The following ANO3 variants were observed in gnomAD, a reference collection of about 807,000 sequenced individuals.
ANO3 encodes anoctamin-3.
A neutral mutation model predicts 144.8 loss-of-function variants in ANO3; 99 were observed. The observed-to-expected ratio is 0.68, with a 90% CI of 0.58 to 0.81. ANO3 has a LOEUF of 0.81. Among genes scored for constraint, ANO3 ranks in the 30% least tolerant of loss-of-function variants. The pLI, the probability that ANO3 is intolerant of heterozygous loss-of-function variation, is 0.00. For missense variants in ANO3, 905 were observed against 1,202.2 expected (o/e 0.75, Z 3.66); for synonymous variants, 414 against 392.6 (o/e 1.05, Z -0.64).
At position 26,614,262 on chromosome 11, in the gene ANO3, G is replaced by T. The variant is rs114416670; in HGVS notation, c.1837-10200G>T. ...AGACTGTGCAGTGTAGGTGCACATG[G>T]ATGTGATGGCTAGCAGGCTGTTCAG... On this transcript the variant is annotated intron_variant, in intron 17 of 26. Coordinates refer to ENST00000256737, the MANE Select transcript of ANO3 (RefSeq NM_031418.4). Among the ~76,000 whole-genome samples the T allele has an allele frequency of 2.6e-3, 398 of 152,312 alleles. 3 individuals carry two copies. The highest frequency in any genetic ancestry group is 9.1e-3 in the African/African-American group (377 of 41,576).
intron 1 of ANO3, among the ~76,000 whole-genome samples, chr11:26,200,730 A>C (rs1851677356): frequency 6.6e-6 from 1 of 152,174 alleles, no homozygotes; most frequent in African/African-American, 2.4e-5. Context: ...AGAAAGTTGC[A>C]TAATACTAAA....
intron 1 of ANO3, among the ~76,000 whole-genome samples, chr11:26,339,977 T>A (rs1023359030): frequency 1.3e-5 from 2 of 152,164 alleles, no homozygotes; most frequent in Non-Finnish European, 2.9e-5. Context: ...TCTCCCATAT[T>A]CACCTCCTCA....
chr11:26,398,654 T>C (rs760549012), intron 1 of ANO3, among the ~76,000 whole-genome samples: 8 of 152,040 alleles, frequency 5.3e-5, no homozygotes, highest in South Asian at 2.1e-4. Context: ...GTAAAGCATT[T>C]TGGAAGACAT....
At chr11:26,571,323 T>C (rs1187196583) in intron 14 of ANO3, among the ~76,000 whole-genome samples, 1 of 152,090 alleles carries the variant, frequency 6.6e-6, no homozygotes. Flanking sequence ...TCAGCATCCT[T>C]TTAATAAAAA....
chr11:26,565,251 G>A (rs754896343), intron 14 of ANO3: 1 of 1,558,652 alleles, frequency 6.4e-7, no homozygotes, highest in Non-Finnish European at 8.7e-7. Context: ...TTCTTGATAA[G>A]GGGTAAACCC....
chr11:26,446,112 A>G (rs902803337), intron 3 of ANO3, among the ~76,000 whole-genome samples: 1 of 152,196 alleles, frequency 6.6e-6, no homozygotes, highest in African/African-American at 2.4e-5. Flanking sequence ...GATTACGGGC[A>G]TGAGCCACAT....
chr11:26,421,878 A>G (rs563524100), intron 1 of ANO3, among the ~76,000 whole-genome samples: 2 of 152,092 alleles, frequency 1.3e-5, no homozygotes, highest in Non-Finnish European at 2.9e-5. Flanking sequence ...TCTCACTTTT[A>G]TAAGTGCAAG....
intron 18 of ANO3, among the ~76,000 whole-genome samples, chr11:26,629,922 C>T (rs1852722517): frequency 6.6e-6 from 1 of 152,214 alleles, no homozygotes. Flanking sequence ...TGAGCCACTG[C>T]ACCAGGCCTA....
Position 26,436,533 on chromosome 11 carries a change from T to C in ANO3, c.47-5385T>C, listed in dbSNP as rs1008712228. On this transcript the variant is annotated intron_variant, in intron 1 of 26. Transcript: ENST00000256737. ...AAAGATGGTGGCCTGCCCCTCCCTC[T>C]GGCAGCTCCATCCTAGGGAGGTATG... Among the ~76,000 whole-genome samples the C allele has an allele frequency of 1.1e-4, 17 of 152,274 alleles. No homozygotes were observed. The East Asian group carries it at 3.3e-3, about 29-fold the overall frequency.
Position 26,604,432 on chromosome 11 carries a change from T to C in ANO3, c.1836+4718T>C, listed in dbSNP as rs568441974. The stretch of plus-strand genomic sequence containing the variant: ...TTTCATATGAAACTTAAAGTAGTTT[T>C]TTTCTAATTCTGTGAAGAATGTCAA... On this transcript the variant is annotated intron_variant, in intron 17 of 26. Coordinates refer to ENST00000256737, the MANE Select transcript of ANO3 (RefSeq NM_031418.4). 2.6e-5 allele frequency among the ~76,000 whole-genome samples: 4 copies of C among 152,342 alleles called. No homozygotes were observed. In the South Asian group the frequency reaches 8.3e-4, roughly 32 times the overall value.
At chr11:26,611,058 T>C (rs1037525392) in intron 17 of ANO3, among the ~76,000 whole-genome samples, 2 of 152,148 alleles carry the variant, frequency 1.3e-5, no homozygotes, top group East Asian at 3.8e-4. Flanking sequence ...AGATTTCTCA[T>C]ATTTGTTAAT....
chr11:26,439,224 A>G (rs1858421865), intron 1 of ANO3, among the ~76,000 whole-genome samples: 2 of 152,388 alleles, frequency 1.3e-5, no homozygotes, highest in South Asian at 4.1e-4. Context: ...AACTCTTAGA[A>G]GAAAACATAG....
chr11:26,467,030 A>T (rs1228751673), intron 4 of ANO3, among the ~76,000 whole-genome samples: 1 of 151,950 alleles, frequency 6.6e-6, no homozygotes, highest in East Asian at 1.9e-4. Context: ...GTTTTTTTTA[A>T]AAACTCTATT....
At chr11:26,508,705 T>C (rs1861530663) in intron 5 of ANO3, 1 of 156,108 alleles carries the variant, frequency 6.4e-6, no homozygotes, top group African/African-American at 2.4e-5. Flanking sequence ...AGTGAAACAA[T>C]AAAAGTAGCA....
chr11:26,387,926 A>C (rs1268229408), intron 1 of ANO3, among the ~76,000 whole-genome samples: 1 of 152,070 alleles, frequency 6.6e-6, no homozygotes, highest in East Asian at 1.9e-4. Context: ...GAATAGGCCA[A>C]AGGTCAAGTA....
chr11:26,610,225 G>T (rs1217819776), intron 17 of ANO3, among the ~76,000 whole-genome samples: 1 of 151,484 alleles, frequency 6.6e-6, no homozygotes, highest in Non-Finnish European at 1.5e-5. Flanking sequence ...TTGTATTTTT[G>T]ATTCTAGCCA....
chr11:26,456,863 G>A (rs1341007317), intron 3 of ANO3, among the ~76,000 whole-genome samples: 1 of 140,110 alleles, frequency 7.1e-6, no homozygotes, highest in Non-Finnish European at 1.5e-5. Context: ...AAGAAAATGT[G>A]GCACATATAC....
At chr11:26,561,230 A>G (rs1366755528) in intron 14 of ANO3, 2 of 1,597,146 alleles carry the variant, frequency 1.3e-6, no homozygotes, top group African/African-American at 1.4e-5. Flanking sequence ...GCAGAACTAA[A>G]AAAGTAACAA....
At chr11:26,572,242 C>G in intron 14 of ANO3, 1 of 985,420 alleles carries the variant, frequency 1.0e-6, no homozygotes, top group Non-Finnish European at 1.2e-6. Flanking sequence ...CCTGACTGAC[C>G]TGCTTCTCAG....
Sources: allele counts gnomAD v4.1 joint callset (sites outside exome capture counted in the v4.1 genomes callset), GRCh38; gene constraint gnomAD v4.1.1; transcripts MANE v1.5; gene names NCBI Gene and HGNC (gene_info 2026-07-23, HGNC 2026-07-21).